Variants in ROBO1 observed in about 807,000 individuals in gnomAD.
ROBO1 encodes the protein roundabout homolog 1.
ROBO1 carries 149 observed loss-of-function variants against 195.9 expected under a neutral mutation model. The ratio of observed to expected loss-of-function variants is 0.76; its 90% CI spans 0.67 to 0.87. The LOEUF is 0.87. Ranked by LOEUF, ROBO1 falls within the 40% of genes least tolerant of loss-of-function variation. The pLI, the probability that ROBO1 is intolerant of heterozygous loss-of-function variation, is 0.00. For missense variants in ROBO1, 1,933 were observed against 2,068.3 expected, an observed-to-expected ratio of 0.93 and a Z score of 1.27; for synonymous variants, 816 against 733.2, an observed-to-expected ratio of 1.11 and a Z score of -1.82.
chr3:78,736,225 C>A (rs137887481), intron 5 of ROBO1, among the ~76,000 whole-genome samples: 24 of 152,174 alleles, frequency 1.6e-4, no homozygotes, highest in African/African-American at 5.3e-4. Flanking sequence ...TTCCTGAGTA[C>A]CCTAAAAGAC....
chr3:78,640,656 A>C (rs550873523), intron 21 of ROBO1, among the ~76,000 whole-genome samples: 1 of 152,336 alleles, frequency 6.6e-6, no homozygotes, highest in East Asian at 1.9e-4. Flanking sequence ...TGCCAAGTAC[A>C]TCAGCGATTA....
chr3:78,830,471 C>G (rs1428506493), intron 4 of ROBO1, among the ~76,000 whole-genome samples: 1 of 152,168 alleles, frequency 6.6e-6, no homozygotes, highest in African/African-American at 2.4e-5. Flanking sequence ...CAGAGTTCAG[C>G]ATGGCTGGGG....
chr3:79,021,651 A>ATTTTT lies in ROBO1; in HGVS notation c.173-82729_173-82725dup, dbSNP rs71127372. On this transcript the variant is annotated intron_variant, in intron 3 of 30. Coordinates refer to ENST00000464233, the MANE Select transcript of ROBO1 (RefSeq NM_002941.4). ...CCCCTCTCTTCCACTCCTAGAGATGATTTTTTTTTTTTTTTTTTTTTTTTT... is the reference window on the plus strand; with the variant it reads ...CCCCTCTCTTCCACTCCTAGAGATGATTTTTTTTTTTTTTTTTTTTTTTTTTTTTT... Among the ~76,000 whole-genome samples the ATTTTT allele has an allele frequency of 7.8e-4, 60 of 76,888 alleles. 1 individual carries two copies. The highest frequency in any genetic ancestry group is 3.2e-3 in the African/African-American group (59 of 18,210). The allele number at this position is 76,888 out of a possible 152,430, so 50.4% of individuals were successfully genotyped here.
intron 2 of ROBO1, among the ~76,000 whole-genome samples, chr3:79,484,413 T>C (rs1939037608): frequency 6.6e-6 from 1 of 152,180 alleles, no homozygotes; most frequent in African/African-American, 2.4e-5. Context: ...TTCTTGTAGA[T>C]TTAAAGTCAT....
chr3:78,630,117 T>C (rs189186038), intron 25 of ROBO1, among the ~76,000 whole-genome samples: 77 of 152,308 alleles, frequency 5.1e-4, no homozygotes, highest in African/African-American at 1.6e-3. Flanking sequence ...TTGGGTTCCA[T>C]GTTAATAAAT....
rs1044949965 is a variant in ROBO1, at chr3:79,605,121, C to T, written c.-50-15160G>A. ...TCCTTTATGCTAAAAAGGAATTGTC[C>T]GAAATGTTCAACGCAGTTTACAGCC... is the stretch of plus-strand genomic sequence containing the variant. On this transcript the variant is annotated intron_variant, in intron 1 of 30. Coordinates refer to ENST00000464233, the MANE Select transcript of ROBO1 (RefSeq NM_002941.4). Among the ~76,000 whole-genome samples, 95 of 152,020 alleles carry T rather than the reference C, an allele frequency of 6.2e-4. 1 individual carries two copies. The highest frequency in any genetic ancestry group is 2.2e-3 in the African/African-American group (92 of 41,514).
chr3:79,514,755 A>G (rs923263887), intron 2 of ROBO1, among the ~76,000 whole-genome samples: 14 of 152,204 alleles, frequency 9.2e-5, no homozygotes, highest in African/African-American at 3.4e-4. Context: ...AGCTTAATGT[A>G]TACATTCAGC....
chr3:79,506,871 G>A (rs1310869970), intron 2 of ROBO1, among the ~76,000 whole-genome samples: 1 of 152,218 alleles, frequency 6.6e-6, no homozygotes, highest in Non-Finnish European at 1.5e-5. Flanking sequence ...AAGTAGGAAA[G>A]AGTGTGAATT....
chr3:79,570,393 C>G (rs1316125119), intron 2 of ROBO1, among the ~76,000 whole-genome samples: 1 of 151,982 alleles, frequency 6.6e-6, no homozygotes, highest in African/African-American at 2.4e-5. Context: ...TCCTAACAAA[C>G]TGGATTACTA....
At chr3:79,529,944 T>C (rs991269971) in intron 2 of ROBO1, among the ~76,000 whole-genome samples, 5 of 152,200 alleles carry the variant, frequency 3.3e-5, no homozygotes, top group South Asian at 2.1e-4. Flanking sequence ...TTTGTATTCA[T>C]AGAACAAATT....
At chr3:79,006,509 CTTA>C (rs1274185075) in intron 3 of ROBO1, among the ~76,000 whole-genome samples, 2 of 151,854 alleles carry the variant, frequency 1.3e-5, no homozygotes, top group African/African-American at 2.4e-5. Context: ...GGTGCAAGCG[CTTA>C]TTATTATTAT....
intron 3 of ROBO1, among the ~76,000 whole-genome samples, chr3:79,113,175 T>G (rs1559668875): frequency 6.6e-6 from 1 of 152,116 alleles, no homozygotes; most frequent in Non-Finnish European, 1.5e-5. Context: ...ATGTCTGTTT[T>G]GAAGAAAGAG....
chr3:78,732,503 G>A (rs1420813555), intron 5 of ROBO1, among the ~76,000 whole-genome samples: 1 of 152,112 alleles, frequency 6.6e-6, no homozygotes, highest in East Asian at 1.9e-4. Flanking sequence ...TTTCTATGAA[G>A]AAGAATGCCT....
intron 1 of ROBO1, among the ~76,000 whole-genome samples, chr3:79,706,494 C>A (rs1383299873): frequency 6.6e-6 from 1 of 151,974 alleles, no homozygotes; most frequent in Non-Finnish European, 1.5e-5. Flanking sequence ...TGAGATAAAT[C>A]CTATTTTGTA....
chr3:78,623,376 A>G (rs575186313), intron 26 of ROBO1, among the ~76,000 whole-genome samples: 34 of 152,284 alleles, frequency 2.2e-4, no homozygotes, highest in African/African-American at 7.7e-4. Context: ...GTGCAAAGAT[A>G]TTGAGGTGAG....
intron 4 of ROBO1, among the ~76,000 whole-genome samples, chr3:78,786,732 C>T (rs1359369105): frequency 6.6e-6 from 1 of 152,086 alleles, no homozygotes; most frequent in Non-Finnish European, 1.5e-5. Flanking sequence ...TGCCTTTGCC[C>T]CTCCTTTGCC....
intron 2 of ROBO1, among the ~76,000 whole-genome samples, chr3:79,493,206 T>A (rs879003084): frequency 6.6e-6 from 1 of 152,080 alleles, no homozygotes. Flanking sequence ...TTGGTTTTAA[T>A]AGCTGTTCAC....
chr3:79,754,491 A>G (rs1704281045), intron 1 of ROBO1, among the ~76,000 whole-genome samples: 1 of 152,184 alleles, frequency 6.6e-6, no homozygotes, highest in African/African-American at 2.4e-5. Flanking sequence ...AGAAGATAAG[A>G]ATGCCAAAGT....
chr3:78,802,223 T>C lies in ROBO1; in HGVS notation c.500-55323A>G, dbSNP rs546241636. Reference sequence around the variant, plus strand: ...TTCATTAGATAACTCCTCTAGCTAATTTTCTACAAAAGCATGCTTTCTATA... The same window carrying C: ...TTCATTAGATAACTCCTCTAGCTAACTTTCTACAAAAGCATGCTTTCTATA... On this transcript the variant is annotated intron_variant, in intron 4 of 30. Transcript: ENST00000464233. Among the ~76,000 whole-genome samples the C allele has an allele frequency of 3.3e-5, 5 of 152,302 alleles. No homozygotes were observed. The South Asian group carries it at 1.0e-3, about 32-fold the overall frequency.
Sources: allele counts gnomAD v4.1 joint callset (sites outside exome capture counted in the v4.1 genomes callset), GRCh38; gene constraint gnomAD v4.1.1; transcripts MANE v1.5; gene names NCBI Gene and HGNC (gene_info 2026-07-23, HGNC 2026-07-21).